Variants in FMNL2 observed in about 807,000 individuals in gnomAD.
FMNL2 encodes the protein formin-like protein 2.
Under a neutral mutation model 130.2 loss-of-function variants are expected in FMNL2, and 51 were observed. The observed-to-expected ratio is 0.39, with a 90% CI of 0.31 to 0.49. FMNL2 has a LOEUF of 0.49. FMNL2 is among the 20% of genes least tolerant of loss of function. The probability of loss-of-function intolerance (pLI) is 0.85; values close to 1 mark genes in which losing one functional copy is unlikely to be tolerated. For synonymous variants in FMNL2, 465 were observed against 467.1 expected (o/e 1.00, Z 0.06); for missense variants, 977 against 1,316.2 (o/e 0.74, Z 3.99).
At chr2:152,592,711 A>G (rs1426882580) in intron 9 of FMNL2, among the ~76,000 whole-genome samples, 1 of 152,196 alleles carries the variant, frequency 6.6e-6, no homozygotes, top group Non-Finnish European at 1.5e-5. Context: ...TGAGGTAGGA[A>G]CATAGAGGGA....
intron 1 of FMNL2, among the ~76,000 whole-genome samples, chr2:152,451,866 T>C (rs563129021): frequency 6.6e-5 from 10 of 152,232 alleles, no homozygotes; most frequent in African/African-American, 2.4e-4. Flanking sequence ...AGCCTAGGCC[T>C]GTGTGGGGTA....
intron 1 of FMNL2, among the ~76,000 whole-genome samples, chr2:152,349,104 G>A (rs983861402): frequency 6.6e-6 from 1 of 151,690 alleles, no homozygotes; most frequent in African/African-American, 2.4e-5. Flanking sequence ...CAAAGTGCTG[G>A]GATTACAGGC....
At chr2:152,470,209 C>T (rs1026776254) in intron 1 of FMNL2, among the ~76,000 whole-genome samples, 1 of 152,160 alleles carries the variant, frequency 6.6e-6, no homozygotes, top group Non-Finnish European at 1.5e-5. Flanking sequence ...GCAATGTTTA[C>T]GGCATACACA....
intron 2 of FMNL2, among the ~76,000 whole-genome samples, chr2:152,524,615 A>G (rs138008331): frequency 2.0e-4 from 30 of 152,314 alleles, no homozygotes; most frequent in African/African-American, 7.0e-4. Context: ...GGTTTCTTTG[A>G]TAACTGCAAA....
chr2:152,649,708 G>GT lies in FMNL2; in HGVS notation c.*1806dup, dbSNP rs1170782273. On this transcript the variant is annotated 3_prime_UTR_variant, in exon 26 of 26. Coordinates refer to ENST00000288670, the MANE Select transcript of FMNL2 (RefSeq NM_052905.4). ...AGACAACGTTGGCATGTTCTTTTCT[G>GT]TTTGTCTATTAATGGGCCTGCTTCT... 7.2e-5 allele frequency: 11 copies of GT among 152,592 alleles called. No individual in the cohort carries two copies. The East Asian group carries it at 2.1e-3, about 29-fold the overall frequency. The allele number at this position is 152,592 out of a possible 1,614,324, so 9.5% of individuals were successfully genotyped here. A position where few individuals can be genotyped will look rare whatever the true frequency, so the allele number is the denominator to read the frequency against.
At chr2:152,624,068 C>T (rs1681581263) in intron 15 of FMNL2, among the ~76,000 whole-genome samples, 1 of 1,964 alleles carries the variant, frequency 5.1e-4, no homozygotes. Context: ...CCCCTCCCCT[C>T]CCCTCCACTC....
At chr2:152,558,871 C>T (rs1210434090) in intron 5 of FMNL2, 48 bp downstream of exon 5, 1 of 1,499,908 alleles carries the variant, frequency 6.7e-7, no homozygotes, top group Non-Finnish European at 9.2e-7. Flanking sequence ...GTGGTCACAG[C>T]AGATGCTACT....
chr2:152,608,345 TC>T (rs1698488458), intron 10 of FMNL2, among the ~76,000 whole-genome samples: 2 of 137,172 alleles, frequency 1.5e-5, no homozygotes, highest in African/African-American at 5.5e-5. Flanking sequence ...TTTGCAGATT[TC>T]TAACCCTTTT....
Position 152,535,096 on chromosome 2 carries a change from C to G in FMNL2, c.202-7643C>G, listed in dbSNP as rs114224607. On this transcript the variant is annotated intron_variant, in intron 2 of 25. Coordinates refer to ENST00000288670, the MANE Select transcript of FMNL2 (RefSeq NM_052905.4). ...ATTAATCATGCACGTTTTCACTATT[C>G]AAGACTCCTTGTTGTCTGTCCTGTA... Among the ~76,000 whole-genome samples the G allele has an allele frequency of 1.8e-3, 281 of 152,334 alleles. 2 individuals are homozygous for G. Among genetic ancestry groups the G allele is most frequent in the African/African-American group, 6.3e-3 (263 of 41,586 alleles).
intron 1 of FMNL2, among the ~76,000 whole-genome samples, chr2:152,372,247 C>G (rs924239089): frequency 6.6e-6 from 1 of 152,128 alleles, no homozygotes; most frequent in African/African-American, 2.4e-5. Flanking sequence ...TAAGAGTACT[C>G]TGTAGGTAGG....
At chr2:152,444,375 C>T (rs953591830) in intron 1 of FMNL2, among the ~76,000 whole-genome samples, 3 of 152,160 alleles carry the variant, frequency 2.0e-5, no homozygotes, top group Non-Finnish European at 4.4e-5. Flanking sequence ...CCCACAAGAA[C>T]CAGCTTGATA....
intron 9 of FMNL2, among the ~76,000 whole-genome samples, chr2:152,599,361 A>G (rs769964378): frequency 7.9e-5 from 10 of 126,676 alleles, no homozygotes; most frequent in Non-Finnish European, 1.6e-4. Context: ...TTTATGACCT[A>G]TTGTAAGGAG....
At chr2:152,476,673 CAGA>C (rs1690166949) in intron 1 of FMNL2, among the ~76,000 whole-genome samples, 1 of 148,422 alleles carries the variant, frequency 6.7e-6, no homozygotes. Flanking sequence ...GCCTGGATGA[CAGA>C]AGGAGACCCT....
intron 9 of FMNL2, among the ~76,000 whole-genome samples, chr2:152,600,184 C>G (rs774752203): frequency 6.6e-6 from 1 of 151,988 alleles, no homozygotes; most frequent in Non-Finnish European, 1.5e-5. Context: ...CGAGAAGGGT[C>G]GTCTAATCAG....
At chr2:152,514,574 C>G (rs1175339014) in intron 1 of FMNL2, among the ~76,000 whole-genome samples, 1 of 152,084 alleles carries the variant, frequency 6.6e-6, no homozygotes, top group Admixed American at 6.6e-5. Context: ...TGTCAAGACC[C>G]TCAGTGGATA....
At chr2:152,630,615 G>C (rs1388086249) in intron 20 of FMNL2, among the ~76,000 whole-genome samples, 1 of 152,152 alleles carries the variant, frequency 6.6e-6, no homozygotes, top group Admixed American at 6.5e-5. Flanking sequence ...TGAGTCCCCC[G>C]ACCAGGGAGC....
chr2:152,483,718 A>G (rs1690658385), intron 1 of FMNL2, among the ~76,000 whole-genome samples: 1 of 152,218 alleles, frequency 6.6e-6, no homozygotes, highest in African/African-American at 2.4e-5. Context: ...GCTTTCCTTT[A>G]CTAGCAGTGA....
At chr2:152,610,389 CTT>C (rs1191947023) in intron 10 of FMNL2, among the ~76,000 whole-genome samples, 1 of 152,030 alleles carries the variant, frequency 6.6e-6, no homozygotes, top group East Asian at 1.9e-4. Flanking sequence ...CTGTACAATC[CTT>C]ACCACAATTT....
intron 2 of FMNL2, among the ~76,000 whole-genome samples, chr2:152,533,465 A>T: frequency 6.8e-6 from 1 of 146,800 alleles, no homozygotes; most frequent in Non-Finnish European, 1.5e-5. Flanking sequence ...ATTCTGTTCT[A>T]CTCATCTATA....
Sources: gnomAD v4.1 joint callset for allele counts (sites outside exome capture counted in the v4.1 genomes callset) on GRCh38, gnomAD v4.1.1 for gene constraint, MANE v1.5 for transcripts, NCBI Gene and HGNC (gene_info 2026-07-23, HGNC 2026-07-21) for gene names.